The following PDE4D variants were observed in gnomAD, a reference collection of about 807,000 sequenced individuals.
PDE4D encodes the protein 3',5'-cyclic-AMP phosphodiesterase 4D.
A neutral mutation model predicts 87.4 loss-of-function variants in PDE4D; 24 were observed. The observed-to-expected ratio is 0.27, with a 90% confidence interval of 0.20 to 0.39. The LOEUF (loss-of-function observed/expected upper bound fraction) is 0.39, where lower values mean the gene tolerates loss of function less well. Ranked by LOEUF, PDE4D falls within the 10% of genes least tolerant of loss-of-function variation. PDE4D has a pLI of 1.00. For synonymous variants in PDE4D, 384 were observed against 383.2 expected, an observed-to-expected ratio of 1.00 and a Z score of -0.02; for missense variants, 714 against 1,041.0, an observed-to-expected ratio of 0.69 and a Z score of 4.32.
chr5:59,886,241 T>C (rs1171491005), intron 1 of PDE4D, among the ~76,000 whole-genome samples: 3 of 152,210 alleles, frequency 2.0e-5, no homozygotes, highest in Non-Finnish European at 2.9e-5. Context: ...ACGAAAGCTA[T>C]GGGAAAGCCC....
chr5:59,034,311 A>C (rs1056488769), intron 6 of PDE4D, among the ~76,000 whole-genome samples: 4 of 152,150 alleles, frequency 2.6e-5, no homozygotes, highest in Non-Finnish European at 4.4e-5. Flanking sequence ...ACACTTTTTT[A>C]ATCTAAGATT....
At chr5:59,404,799 A>G (rs34118182) in intron 1 of PDE4D, among the ~76,000 whole-genome samples, 26,334 of 152,146 alleles carry the variant, frequency 0.17, 3,064 homozygotes, top group African/African-American at 0.32. Flanking sequence ...TGTATACGGC[A>G]AGAGATAGAA....
At chr5:59,767,245 ACACT>A (rs546565335) in intron 1 of PDE4D, among the ~76,000 whole-genome samples, 51 of 152,130 alleles carry the variant, frequency 3.4e-4, no homozygotes, top group African/African-American at 1.0e-3. Flanking sequence ...CTCAACTAAC[ACACT>A]CATTCTTTTT....
intron 1 of PDE4D, among the ~76,000 whole-genome samples, chr5:60,256,970 G>T (rs940736045): frequency 6.6e-5 from 10 of 151,946 alleles, no homozygotes; most frequent in African/African-American, 2.4e-4. Context: ...AGAAGTGATA[G>T]ATATGTTAAT....
intron 1 of PDE4D, among the ~76,000 whole-genome samples, chr5:60,413,870 T>C (rs1742256533): frequency 6.6e-6 from 1 of 152,200 alleles, no homozygotes; most frequent in Non-Finnish European, 1.5e-5. Context: ...AAGCATCTCC[T>C]AACCCAAAGA....
intron 1 of PDE4D, among the ~76,000 whole-genome samples, chr5:59,281,139 C>T (rs1765725904): frequency 6.6e-6 from 1 of 151,988 alleles, no homozygotes; most frequent in Admixed American, 6.6e-5. Flanking sequence ...GTTCATACAC[C>T]TGCTATATTT....
intron 1 of PDE4D, among the ~76,000 whole-genome samples, chr5:60,347,343 G>A (rs1021166296): frequency 1.2e-4 from 18 of 152,156 alleles, no homozygotes; most frequent in African/African-American, 4.3e-4. Flanking sequence ...AGATTCTTAG[G>A]AGCCAGATCA....
At chr5:60,437,984 A>T (rs1323272247) in intron 1 of PDE4D, among the ~76,000 whole-genome samples, 2 of 152,160 alleles carry the variant, frequency 1.3e-5, no homozygotes, top group Non-Finnish European at 2.9e-5. Flanking sequence ...CTCTTTTGTG[A>T]TTGACAGCAG....
chr5:59,164,532 A>C (rs1781605269), intron 5 of PDE4D, among the ~76,000 whole-genome samples: 1 of 152,220 alleles, frequency 6.6e-6, no homozygotes, highest in South Asian at 2.1e-4. Context: ...CAAGGCTCAG[A>C]GAATAACTTT....
At chr5:59,059,090 A>C (rs1217001102) in intron 5 of PDE4D, among the ~76,000 whole-genome samples, 2 of 152,206 alleles carry the variant, frequency 1.3e-5, no homozygotes, top group Non-Finnish European at 2.9e-5. Context: ...ATGGCAATTC[A>C]GCGGGTTCCT....
chr5:59,612,713 T>C (rs1480584047), intron 1 of PDE4D, among the ~76,000 whole-genome samples: 1 of 152,028 alleles, frequency 6.6e-6, no homozygotes, highest in Non-Finnish European at 1.5e-5. Flanking sequence ...AATAAAAGGA[T>C]AGCCTCACTC....
chr5:59,450,815 G>A (rs1240054798), intron 1 of PDE4D, among the ~76,000 whole-genome samples: 1 of 152,034 alleles, frequency 6.6e-6, no homozygotes, highest in African/African-American at 2.4e-5. Flanking sequence ...CCTTCCACCT[G>A]TGCTTTGGTT....
At chr5:59,642,600 T>G (rs754064686) in intron 1 of PDE4D, among the ~76,000 whole-genome samples, 8 of 152,174 alleles carry the variant, frequency 5.3e-5, no homozygotes. Flanking sequence ...GCCGCCACCA[T>G]GTAAGAAGTG....
At chr5:59,485,753 A>G (rs1488360311) in intron 1 of PDE4D, among the ~76,000 whole-genome samples, 1 of 152,162 alleles carries the variant, frequency 6.6e-6, no homozygotes, top group Non-Finnish European at 1.5e-5. Flanking sequence ...TCAGAAAATG[A>G]TTAACACTCA....
chr5:59,929,315 T>A (rs1755633410), intron 3 of PDE4D, among the ~76,000 whole-genome samples: 1 of 147,752 alleles, frequency 6.8e-6, no homozygotes, highest in South Asian at 2.2e-4. Context: ...TAGCAATCTC[T>A]GAGGAACCCA....
chr5:59,034,873 T>TAG (rs797022014), intron 6 of PDE4D, among the ~76,000 whole-genome samples: 3 of 152,310 alleles, frequency 2.0e-5, no homozygotes, highest in African/African-American at 7.2e-5. Context: ...CCCCCAAAAT[T>TAG]AGAGCAGAAA....
intron 3 of PDE4D, among the ~76,000 whole-genome samples, chr5:59,928,531 T>C (rs1488764198): frequency 6.6e-6 from 1 of 152,030 alleles, no homozygotes; most frequent in Non-Finnish European, 1.5e-5. Flanking sequence ...TGAGCCGAGA[T>C]TGTGCCTCTG....
chr5:58,973,520 G>C lies in PDE4D; in HGVS notation c.*1144C>G, dbSNP rs1742989015. The C allele has an allele frequency of 6.6e-6, 1 of 152,220 alleles. No homozygotes were observed. The highest frequency in any genetic ancestry group is 1.5e-5 in the Non-Finnish European group (1 of 67,780). The allele number at this position is 152,220 out of a possible 1,614,324, so 9.4% of individuals were successfully genotyped here. A position where few individuals can be genotyped will look rare whatever the true frequency, so the allele number is the denominator to read the frequency against. Reference sequence around the variant, plus strand: ...CATGCACTTGTGAAATGAACATCTAGTGACACAGCAAAACGTTATTAGGAG... The same window carrying C: ...CATGCACTTGTGAAATGAACATCTACTGACACAGCAAAACGTTATTAGGAG... On this transcript the variant is annotated 3_prime_UTR_variant, in exon 15 of 15. Coordinates refer to ENST00000340635, the MANE Select transcript of PDE4D (RefSeq NM_001104631.2).
chr5:60,014,569 A>G (rs1765339309), intron 2 of PDE4D, among the ~76,000 whole-genome samples: 1 of 152,174 alleles, frequency 6.6e-6, no homozygotes, highest in South Asian at 2.1e-4. Context: ...CTAGGAGACA[A>G]GGGTGATTAA....
Sources: allele counts gnomAD v4.1 joint callset (sites outside exome capture counted in the v4.1 genomes callset), GRCh38; gene constraint gnomAD v4.1.1; transcripts MANE v1.5; gene names NCBI Gene and HGNC (gene_info 2026-07-23, HGNC 2026-07-21).